The following MGAT4C variants were observed in gnomAD, a reference collection of about 807,000 sequenced individuals.
The protein encoded by MGAT4C is MGAT4 family member C, also known as alpha-1,3-mannosyl-glycoprotein 4-beta-N-acetylglucosaminyltransferase C.
MGAT4C carries 19 observed loss-of-function variants against 40.1 expected under a neutral mutation model. The ratio of observed to expected loss-of-function variants is 0.47; its 90% CI spans 0.33 to 0.70. MGAT4C has a LOEUF of 0.70. Ranked by LOEUF, MGAT4C falls within the 30% of genes least tolerant of loss-of-function variation. The pLI is 0.02. For synonymous variants in MGAT4C, 181 were observed against 187.1 expected (o/e 0.97, Z 0.27); for missense variants, 491 against 563.2 (o/e 0.87, Z 1.30).
intron 2 of MGAT4C, among the ~76,000 whole-genome samples, chr12:86,656,913 T>C (rs1258191194): frequency 4.6e-5 from 7 of 152,094 alleles, no homozygotes; most frequent in Admixed American, 3.9e-4. Context: ...TTTGTTTAAA[T>C]TTAGCTACTT....
chr12:86,340,371 C>T (rs1369761591), intron 3 of MGAT4C, among the ~76,000 whole-genome samples: 1 of 151,854 alleles, frequency 6.6e-6, no homozygotes, highest in African/African-American at 2.4e-5. Context: ...GAAAATAAAG[C>T]AGTGTTTAAA....
chr12:85,965,797 G>A lies in MGAT4C; in HGVS notation c.*13492C>T, dbSNP rs139199083. The A allele has an allele frequency of 5.3e-5, 8 of 152,062 alleles. No individual in the cohort carries two copies. In the East Asian group the frequency reaches 1.2e-3, roughly 22 times the overall value. The allele number at this position is 152,062 out of a possible 1,614,324, so 9.4% of individuals were successfully genotyped here. A position where few individuals can be genotyped will look rare whatever the true frequency, so the allele number is the denominator to read the frequency against. ...ACTTAGAATTGTCAATTCTGTCCAA[G>A]TCTCTGAGTCATGTACAGAACTCAA... On this transcript the variant is annotated 3_prime_UTR_variant, in exon 5 of 5. Transcript: ENST00000611864.
At chr12:86,387,476 T>C (rs935123188) in intron 3 of MGAT4C, among the ~76,000 whole-genome samples, 2 of 152,132 alleles carry the variant, frequency 1.3e-5, no homozygotes, top group African/African-American at 4.8e-5. Context: ...GTACAAAATA[T>C]TATGGAAATA....
chr12:86,171,946 G>C (rs1489534514), intron 1 of MGAT4C, among the ~76,000 whole-genome samples: 3 of 152,174 alleles, frequency 2.0e-5, no homozygotes. Context: ...AAGCTGTAAA[G>C]TTGAGTGGCT....
At chr12:86,763,413 G>A (rs376012992) in intron 1 of MGAT4C, among the ~76,000 whole-genome samples, 1 of 151,926 alleles carries the variant, frequency 6.6e-6, no homozygotes, top group African/African-American at 2.4e-5. Flanking sequence ...TGTATACTGT[G>A]GAATACAGTG....
intron 2 of MGAT4C, among the ~76,000 whole-genome samples, chr12:86,614,118 T>TA (rs1214491681): frequency 1.3e-5 from 2 of 152,164 alleles, no homozygotes; most frequent in Non-Finnish European, 2.9e-5. Flanking sequence ...AGTAATTAGA[T>TA]AAAATATTTA....
chr12:86,588,125 C>G (rs1961148559), intron 2 of MGAT4C, among the ~76,000 whole-genome samples: 2 of 151,536 alleles, frequency 1.3e-5, no homozygotes, highest in South Asian at 2.1e-4. Context: ...TACGTCCCAT[C>G]AATACCTAAT....
intron 3 of MGAT4C, among the ~76,000 whole-genome samples, chr12:86,428,716 A>C (rs1956977692): frequency 6.6e-6 from 1 of 152,242 alleles, no homozygotes. Context: ...TGTGTTTAGG[A>C]ATTTATCCAT....
At chr12:86,443,448 C>A (rs1418788262) in intron 2 of MGAT4C, among the ~76,000 whole-genome samples, 1 of 152,116 alleles carries the variant, frequency 6.6e-6, no homozygotes, top group Non-Finnish European at 1.5e-5. Flanking sequence ...CCATGAATAA[C>A]AAATGAACAC....
intron 1 of MGAT4C, among the ~76,000 whole-genome samples, chr12:86,228,192 A>T (rs1233393805): frequency 6.6e-6 from 1 of 151,782 alleles, no homozygotes. Flanking sequence ...ACTTCTATCT[A>T]TTGGCTTTTC....
Position 85,980,031 on chromosome 12 carries a change from T to C in MGAT4C, c.695A>G (p.Asn232Ser). The C allele has an allele frequency of 6.2e-7, 1 of 1,613,664 alleles. No individual in the cohort carries two copies. Among genetic ancestry groups the C allele is most frequent in the Non-Finnish European group, 8.5e-7 (1 of 1,179,822 alleles). Reference sequence around the variant, plus strand: ...GACTTTCTTGATGGCAGTTAAGAAATTTTTTGAACATCGAACATCATCTTC... The same window carrying C: ...GACTTTCTTGATGGCAGTTAAGAAACTTTTTGAACATCGAACATCATCTTC... ...MLEDDVRCSK[N>S]FLTAIKKVIA... The change falls in exon 5 of 5, where the codon AAT (asparagine) becomes AGT (serine). Residue 232 changes from asparagine to serine, a missense_variant. Asn to Ser is a conservative substitution (Grantham distance 46). Coordinates refer to ENST00000611864, the MANE Select transcript of MGAT4C (RefSeq NM_001351288.2).
At chr12:86,239,604 G>A (rs1239362832) in intron 1 of MGAT4C, among the ~76,000 whole-genome samples, 1 of 151,888 alleles carries the variant, frequency 6.6e-6, no homozygotes, top group Non-Finnish European at 1.5e-5. Flanking sequence ...GTGGAAAGTA[G>A]GAAGAGAAAT....
At chr12:86,745,092 C>T (rs1411746268) in intron 1 of MGAT4C, 1 of 151,440 alleles carries the variant, frequency 6.6e-6, no homozygotes, top group Admixed American at 6.6e-5. Flanking sequence ...ACCTTCTCTT[C>T]CCTAGAGGGT....
chr12:86,052,641 A>C (rs957819687), intron 1 of MGAT4C, among the ~76,000 whole-genome samples: 3 of 151,950 alleles, frequency 2.0e-5, no homozygotes, highest in African/African-American at 7.2e-5. Context: ...CAAAACATGA[A>C]AGAAAATGAA....
intron 3 of MGAT4C, among the ~76,000 whole-genome samples, chr12:86,395,344 T>C (rs1956241357): frequency 1.3e-5 from 2 of 152,180 alleles, no homozygotes; most frequent in Admixed American, 1.3e-4. Context: ...ATTCATGGTT[T>C]ACTTATCTTA....
intron 1 of MGAT4C, among the ~76,000 whole-genome samples, chr12:86,214,228 T>C (rs746984538): frequency 6.6e-6 from 1 of 152,200 alleles, no homozygotes; most frequent in African/African-American, 2.4e-5. Flanking sequence ...ATCCTCTGCA[T>C]AGACCCCTTT....
chr12:86,361,306 C>G (rs549565119), intron 3 of MGAT4C, among the ~76,000 whole-genome samples: 1 of 152,130 alleles, frequency 6.6e-6, no homozygotes, highest in Non-Finnish European at 1.5e-5. Context: ...AAACTGGATC[C>G]CTTCCTTACA....
rs77346124 is a variant in MGAT4C at position 86,489,024 on chromosome 12, G to A, written c.-228-53759C>T. Among the ~76,000 whole-genome samples the A allele has an allele frequency of 3.3e-3, 499 of 152,206 alleles. 2 individuals carry two copies. The highest frequency in any genetic ancestry group is 0.012 in the African/African-American group (481 of 41,546). On this transcript the variant is annotated intron_variant, in intron 2 of 7. Transcript: ENST00000548651. The stretch of plus-strand genomic sequence containing the variant: ...GTGTGCCCACTCTAACCCAGCTGGT[G>A]CTCTCTGAATAACATCTTTTTGCCA...
At chr12:86,205,584 T>C (rs1230986046) in intron 1 of MGAT4C, among the ~76,000 whole-genome samples, 2 of 151,880 alleles carry the variant, frequency 1.3e-5, no homozygotes, top group Non-Finnish European at 1.5e-5. Context: ...TTTTAAATAT[T>C]ATAGCTATTA....
Sources: allele counts gnomAD v4.1 joint callset (sites outside exome capture counted in the v4.1 genomes callset), GRCh38; gene constraint gnomAD v4.1.1; transcripts MANE v1.5; gene names NCBI Gene and HGNC (gene_info 2026-07-23, HGNC 2026-07-21).